The following ESRRG variants were observed in gnomAD, a reference collection of about 807,000 sequenced individuals.
The protein encoded by ESRRG is estrogen related receptor gamma, also known as estrogen-related receptor gamma.
ESRRG carries 13 observed loss-of-function variants against 44.0 expected under a neutral mutation model. The observed-to-expected ratio is 0.30, with a 90% CI of 0.19 to 0.47. The LOEUF is 0.47. Ranked by LOEUF, ESRRG falls within the 20% of genes least tolerant of loss-of-function variation. The probability of loss-of-function intolerance (pLI) is 1.00; values close to 1 mark genes in which losing one functional copy is unlikely to be tolerated. For synonymous variants in ESRRG, 215 were observed against 214.6 expected (o/e 1.00, Z -0.02); for missense variants, 395 against 580.6 (o/e 0.68, Z 3.29).
chr1:217,088,699 A>T (rs1056879676), intron 1 of ESRRG, among the ~76,000 whole-genome samples: 1 of 151,934 alleles, frequency 6.6e-6, no homozygotes, highest in African/African-American at 2.4e-5. Context: ...CTCTTCCAGA[A>T]TTGCTCATTA....
chr1:217,133,631 T>TTCTC (rs375424445), intron 1 of ESRRG, among the ~76,000 whole-genome samples: 3 of 58,450 alleles, frequency 5.1e-5, no homozygotes, highest in African/African-American at 1.5e-4. Context: ...CTTTCTTTCT[T>TTCTC]TCTCTCTCTC....
intron 1 of ESRRG, among the ~76,000 whole-genome samples, chr1:216,999,416 A>G (rs2076749307): frequency 6.6e-6 from 1 of 152,176 alleles, no homozygotes; most frequent in African/African-American, 2.4e-5. Flanking sequence ...ATTATCTCAT[A>G]TTTACAAAAT....
At chr1:216,567,514 C>G (rs2059896579) in intron 4 of ESRRG, among the ~76,000 whole-genome samples, 1 of 152,148 alleles carries the variant, frequency 6.6e-6, no homozygotes, top group Non-Finnish European at 1.5e-5. Flanking sequence ...ACTTCTATAG[C>G]TCCAAATTAA....
intron 2 of ESRRG, among the ~76,000 whole-genome samples, chr1:216,810,255 T>C (rs1002561261): frequency 6.6e-6 from 1 of 152,140 alleles, no homozygotes; most frequent in African/African-American, 2.4e-5. Flanking sequence ...GCAGAAACGC[T>C]TGGCCCTTTT....
At chr1:216,990,814 G>T (rs1373913170) in intron 1 of ESRRG, among the ~76,000 whole-genome samples, 2 of 152,148 alleles carry the variant, frequency 1.3e-5, no homozygotes, top group Non-Finnish European at 2.9e-5. Flanking sequence ...TCAACAGTAG[G>T]CTGTTAGTAG....
chr1:216,871,093 G>C (rs776344939), intron 2 of ESRRG, among the ~76,000 whole-genome samples: 4 of 151,790 alleles, frequency 2.6e-5, no homozygotes, highest in Non-Finnish European at 5.9e-5. Context: ...ATTAACTGAA[G>C]ATCTTTCTTA....
intron 2 of ESRRG, among the ~76,000 whole-genome samples, chr1:216,801,767 A>G (rs1277940441): frequency 6.6e-6 from 1 of 151,988 alleles, no homozygotes; most frequent in African/African-American, 2.4e-5. Flanking sequence ...CAGGTCCTTT[A>G]CCCATTCTTT....
At chr1:216,888,007 CT>C (rs36002364) in intron 2 of ESRRG, among the ~76,000 whole-genome samples, 96,115 of 149,472 alleles carry the variant, frequency 0.64, 30,791 homozygotes, top group Middle Eastern at 0.71. Context: ...TTGTAATTGA[CT>C]TTTTTTTTTT....
At chr1:216,858,659 T>C (rs1477228203) in intron 2 of ESRRG, among the ~76,000 whole-genome samples, 1 of 152,142 alleles carries the variant, frequency 6.6e-6, no homozygotes, top group Non-Finnish European at 1.5e-5. Flanking sequence ...AGAACTCTCT[T>C]GGCAGGGATG....
intron 2 of ESRRG, among the ~76,000 whole-genome samples, chr1:216,658,666 C>A (rs936571393): frequency 6.9e-4 from 90 of 130,234 alleles, no homozygotes; most frequent in African/African-American, 1.1e-3. Context: ...ACTAAAAATA[C>A]AAAAAAAAAA....
At chr1:216,812,832 G>A (rs1397180953) in intron 2 of ESRRG, among the ~76,000 whole-genome samples, 1 of 152,118 alleles carries the variant, frequency 6.6e-6, no homozygotes, top group Non-Finnish European at 1.5e-5. Context: ...GTTGCCCAAA[G>A]TCCCTCAGGT....
At position 216,980,560 on chromosome 1, in the gene ESRRG, G is replaced by T. The variant is rs144152367; in HGVS notation, c.-105-40887C>A. ...GTCCGTGGGACCTCTCCAACTCCAC[G>T]GGAACTGTACTGTTTACCCACATTA... On this transcript the variant is annotated intron_variant, in intron 1 of 7. Transcript: ENST00000359162. 5.4e-4 allele frequency among the ~76,000 whole-genome samples: 82 copies of T among 152,120 alleles called. 2 individuals carry two copies. The highest frequency in any genetic ancestry group is 1.9e-3 in the African/African-American group (77 of 41,496).
intron 3 of ESRRG, among the ~76,000 whole-genome samples, chr1:216,611,948 A>ATG (rs2060737518): frequency 6.6e-6 from 1 of 152,208 alleles, no homozygotes; most frequent in African/African-American, 2.4e-5. Flanking sequence ...ATGAGCAGGC[A>ATG]AGTGGCTGAA....
At chr1:217,129,930 A>G (rs2092942026) in intron 1 of ESRRG, among the ~76,000 whole-genome samples, 1 of 152,160 alleles carries the variant, frequency 6.6e-6, no homozygotes, top group South Asian at 2.1e-4. Context: ...AAGCCACTGA[A>G]TTATATTGCT....
intron 2 of ESRRG, among the ~76,000 whole-genome samples, chr1:216,849,887 A>G (rs2095815456): frequency 6.6e-6 from 1 of 152,072 alleles, no homozygotes; most frequent in Non-Finnish European, 1.5e-5. Flanking sequence ...GACTCTTTCA[A>G]CTATTCACAT....
intron 2 of ESRRG, among the ~76,000 whole-genome samples, chr1:216,807,148 C>A (rs1320617499): frequency 1.3e-5 from 2 of 152,270 alleles, no homozygotes; most frequent in Non-Finnish European, 1.5e-5. Flanking sequence ...TGAATATTAG[C>A]AAACTAGCTT....
rs538475154 is a variant in ESRRG at position 216,516,474 on chromosome 1, T to C, written c.1132+2678A>G. Among the ~76,000 whole-genome samples the C allele has an allele frequency of 4.6e-5, 7 of 152,202 alleles. 1 individual carries two copies. The South Asian group carries it at 1.4e-3, about 32-fold the overall frequency. ...TTTATAATGATTGAATAAAGACCAA[T>C]GTTTAAAATAAGCTAAAATTTAAGT... On this transcript the variant is annotated intron_variant, in intron 6 of 6. Transcript: ENST00000408911.
intron 5 of ESRRG, among the ~76,000 whole-genome samples, chr1:216,551,199 T>C (rs528959466): frequency 2.7e-4 from 41 of 152,266 alleles, no homozygotes; most frequent in African/African-American, 8.9e-4. Context: ...ACAGAGACAG[T>C]CTCCCAAGAA....
intron 2 of ESRRG, among the ~76,000 whole-genome samples, chr1:216,657,782 C>G (rs2071009101): frequency 6.6e-6 from 1 of 152,058 alleles, no homozygotes; most frequent in Non-Finnish European, 1.5e-5. Context: ...GGAGTGTGCA[C>G]AAGTCTCATG....
Sources: gnomAD v4.1 joint callset for allele counts (sites outside exome capture counted in the v4.1 genomes callset) on GRCh38, gnomAD v4.1.1 for gene constraint, MANE v1.5 for transcripts, NCBI Gene and HGNC (gene_info 2026-07-23, HGNC 2026-07-21) for gene names.